Variants in INVS observed in about 807,000 individuals in gnomAD.
INVS encodes the protein inversion of embryo turning homolog.
In INVS, 86 loss-of-function variants were observed where a neutral mutation model predicts 108.8. The ratio of observed to expected loss-of-function variants is 0.79; its 90% CI spans 0.66 to 0.95. The LOEUF (loss-of-function observed/expected upper bound fraction) is 0.95. Among genes scored for constraint, INVS ranks in the 40% least tolerant of loss-of-function variants. The pLI is 0.00. For synonymous variants in INVS, 455 were observed against 473.5 expected (o/e 0.96, Z 0.51); for missense variants, 1,169 against 1,297.4 (o/e 0.90, Z 1.52).
intron 16 of INVS, among the ~76,000 whole-genome samples, chr9:100,300,154 T>G (rs1319725793): frequency 6.6e-6 from 1 of 152,246 alleles, no homozygotes; most frequent in East Asian, 1.9e-4. Context: ...TCCCATCAGC[T>G]TATCATTCAT....
chr9:100,247,754 A>G (rs953953502), intron 8 of INVS, among the ~76,000 whole-genome samples: 2 of 152,190 alleles, frequency 1.3e-5, no homozygotes, highest in African/African-American at 4.8e-5. Context: ...TTTACAATAA[A>G]GACTTTAACT....
chr9:100,168,062 G>A (rs1396339905), intron 3 of INVS, among the ~76,000 whole-genome samples: 1 of 151,048 alleles, frequency 6.6e-6, no homozygotes, highest in African/African-American at 2.4e-5. Flanking sequence ...TTTTCTTCTG[G>A]TTAAATAGCC....
At chr9:100,123,643 TG>T (rs1827792856) in intron 2 of INVS, among the ~76,000 whole-genome samples, 1 of 152,250 alleles carries the variant, frequency 6.6e-6, no homozygotes, top group Non-Finnish European at 1.5e-5. Flanking sequence ...TTGGAATTGC[TG>T]GGTCAAATGG....
intron 3 of INVS, among the ~76,000 whole-genome samples, chr9:100,127,204 T>C (rs1274045103): frequency 6.6e-6 from 1 of 151,952 alleles, no homozygotes; most frequent in Non-Finnish European, 1.5e-5. Flanking sequence ...TCTAAATTAA[T>C]TAATTAATTA....
intron 12 of INVS, among the ~76,000 whole-genome samples, chr9:100,281,294 G>A (rs943133844): frequency 1.3e-5 from 2 of 152,154 alleles, no homozygotes; most frequent in African/African-American, 4.8e-5. Context: ...CCAAATGAGG[G>A]TGTCACCCTC....
At chr9:100,221,559 T>A (rs1831151266) in intron 3 of INVS, among the ~76,000 whole-genome samples, 1 of 152,132 alleles carries the variant, frequency 6.6e-6, no homozygotes, top group Non-Finnish European at 1.5e-5. Flanking sequence ...ATCTGATGGG[T>A]CTCTGTCATT....
chr9:100,108,392 T>C (rs1827242512), intron 2 of INVS, among the ~76,000 whole-genome samples: 1 of 152,232 alleles, frequency 6.6e-6, no homozygotes, highest in African/African-American at 2.4e-5. Context: ...TTTTAAGAAT[T>C]GTGCCATTAT....
rs1833957430 is a variant in INVS, at chr9:100,301,160, C to CAT, written c.*487_*488insTA. Among the ~76,000 whole-genome samples, 1 of 119,326 alleles carries CAT rather than the reference C, an allele frequency of 8.4e-6. No homozygotes were observed. The highest frequency in any genetic ancestry group is 3.5e-5 in the African/African-American group (1 of 28,624). 78.3% of individuals were successfully genotyped at this position (119,326 alleles called of 152,430 possible). On this transcript the variant is annotated 3_prime_UTR_variant, in exon 17 of 17. Coordinates refer to ENST00000262457, the MANE Select transcript of INVS (RefSeq NM_014425.5). ...CTTATCACACACACACACACACACA[C>CAT]ACACACACACACACACACATATCAC...
chr9:100,299,373 T>C (rs1451009812), intron 16 of INVS, among the ~76,000 whole-genome samples: 1 of 151,946 alleles, frequency 6.6e-6, no homozygotes, highest in Non-Finnish European at 1.5e-5. Flanking sequence ...GTTTTAGTAG[T>C]GCCTTTACCA....
intron 10 of INVS, among the ~76,000 whole-genome samples, chr9:100,258,581 T>G (rs1221646635): frequency 1.3e-5 from 2 of 152,216 alleles, no homozygotes; most frequent in East Asian, 3.8e-4. Context: ...GATGGTGATG[T>G]ACAGATGGGA....
intron 3 of INVS, among the ~76,000 whole-genome samples, chr9:100,191,452 T>C (rs1300803778): frequency 6.6e-6 from 1 of 152,234 alleles, no homozygotes; most frequent in Non-Finnish European, 1.5e-5. Context: ...ATTTTTCTTC[T>C]ACTAGTTCTA....
At chr9:100,227,898 T>C (rs964128754) in intron 4 of INVS, among the ~76,000 whole-genome samples, 4 of 152,202 alleles carry the variant, frequency 2.6e-5, no homozygotes, top group Non-Finnish European at 5.9e-5. Context: ...TGCTCATTTT[T>C]CTTTTAAAAA....
At chr9:100,295,270 C>T (rs1833756291) in intron 14 of INVS, among the ~76,000 whole-genome samples, 1 of 152,080 alleles carries the variant, frequency 6.6e-6, no homozygotes, top group Admixed American at 6.6e-5. Flanking sequence ...TTCAGTCATT[C>T]CCCCAAGAAC....
chr9:100,297,300 CAATT>C lies in INVS; in HGVS notation c.3016+159_3016+162del, dbSNP rs1375973211. Among the ~76,000 whole-genome samples the C allele has an allele frequency of 7.9e-5, 12 of 152,128 alleles. No individual in the cohort carries two copies. In the South Asian group the frequency reaches 1.5e-3, roughly 18 times the overall value. On this transcript the variant is annotated intron_variant, in intron 15 of 16. Coordinates refer to ENST00000262457, the MANE Select transcript of INVS (RefSeq NM_014425.5). ...GTATTATTAAAAATGGTCAAAACTG[CAATT>C]AATTTTGCACCAACCTAATATTTCT... is the stretch of plus-strand genomic sequence containing the variant.
rs1162672323 is a variant in INVS, at chr9:100,104,552, G to A, written c.31G>A (p.Gly11Ser). MNKSENLLFA[G>S]SSLASQVHAA... ...CAAGTCAGAGAACCTGCTGTTTGCT[G>A]GTTCATCATTAGCATCACAAGTCCA... The change falls in exon 2 of 17, where the codon GGT (glycine) becomes AGT (serine). Residue 11 changes from glycine to serine, a missense_variant. Gly to Ser is a moderately conservative substitution (Grantham distance 56). Transcript: ENST00000262457. 1 of 1,613,952 alleles carries A rather than the reference G, an allele frequency of 6.2e-7. No homozygotes were observed. The highest frequency in any genetic ancestry group is 1.3e-5 in the African/African-American group (1 of 74,904).
chr9:100,259,979 C>A (rs1832564724), intron 10 of INVS, among the ~76,000 whole-genome samples: 1 of 151,732 alleles, frequency 6.6e-6, no homozygotes. Context: ...TCAAGTGATT[C>A]TTCTGCCTCA....
intron 13 of INVS, among the ~76,000 whole-genome samples, chr9:100,288,659 C>T (rs1251813468): frequency 6.6e-6 from 1 of 151,506 alleles, no homozygotes; most frequent in Non-Finnish European, 1.5e-5. Context: ...CTCACCCTGT[C>T]ACCCAGGCTG....
chr9:100,238,348 TA>T (rs573561529), intron 5 of INVS, among the ~76,000 whole-genome samples: 115 of 152,370 alleles, frequency 7.5e-4, no homozygotes, highest in African/African-American at 2.6e-3. Context: ...GTCATTCCTT[TA>T]TACATGATGT....
intron 3 of INVS, chr9:100,130,992 T>C (rs1828039921): frequency 6.6e-6 from 1 of 152,190 alleles, no homozygotes; most frequent in Non-Finnish European, 1.5e-5. Context: ...ACATTATTTA[T>C]TATGTTTCTA....
Sources: allele counts gnomAD v4.1 joint callset (sites outside exome capture counted in the v4.1 genomes callset), GRCh38; gene constraint gnomAD v4.1.1; transcripts MANE v1.5; gene names NCBI Gene and HGNC (gene_info 2026-07-23, HGNC 2026-07-21).